Variants in OSBPL10 observed in about 807,000 individuals in gnomAD.
The protein encoded by OSBPL10 is oxysterol binding protein like 10, also known as oxysterol-binding protein-related protein 10.
A neutral mutation model predicts 81.7 loss-of-function variants in OSBPL10; 49 were observed. The ratio of observed to expected loss-of-function variants is 0.60; its 90% CI spans 0.48 to 0.76. OSBPL10 has a LOEUF of 0.76. Ranked by LOEUF, OSBPL10 falls within the 30% of genes least tolerant of loss-of-function variation. The pLI is 0.00. For missense variants in OSBPL10, 923 were observed against 987.8 expected (o/e 0.93, Z 0.88); for synonymous variants, 419 against 383.6 (o/e 1.09, Z -1.08).
intron 8 of OSBPL10, among the ~76,000 whole-genome samples, chr3:31,674,583 TTAGATAGATAGATAGATAGATAGA>T (rs55696700): frequency 0.019 from 2,782 of 147,954 alleles, 86 homozygotes; most frequent in African/African-American, 0.064. Flanking sequence ...GATAGATAGA[TTAGATAGATAGATAGATAGATAGA>T]TAGATAGATA....
intron 2 of OSBPL10, among the ~76,000 whole-genome samples, chr3:31,992,987 A>C (rs1379980731): frequency 1.3e-5 from 2 of 152,114 alleles, no homozygotes; most frequent in African/African-American, 2.4e-5. Flanking sequence ...CAGGCAATAG[A>C]GCAAGACCCT....
intron 1 of OSBPL10, among the ~76,000 whole-genome samples, chr3:31,899,305 A>G (rs570091442): frequency 6.6e-6 from 1 of 152,314 alleles, no homozygotes; most frequent in South Asian, 2.1e-4. Flanking sequence ...TAGAAAATAT[A>G]GTGCATAAAT....
intron 7 of OSBPL10, among the ~76,000 whole-genome samples, chr3:31,693,184 T>C (rs1203181934): frequency 6.6e-6 from 1 of 152,138 alleles, no homozygotes; most frequent in African/African-American, 2.4e-5. Flanking sequence ...CTGAGGTCCA[T>C]ATCTCTGCCT....
chr3:31,685,450 G>A (rs989002806), intron 7 of OSBPL10, among the ~76,000 whole-genome samples: 16 of 152,132 alleles, frequency 1.1e-4, no homozygotes, highest in East Asian at 1.9e-4. Flanking sequence ...CAATCCACCC[G>A]TCTTGGCCTC....
chr3:31,984,267 C>G (rs535054431), upstream of OSBPL10, among the ~76,000 whole-genome samples: 2 of 151,754 alleles, frequency 1.3e-5, no homozygotes, highest in Admixed American at 6.6e-5. Flanking sequence ...GTCTCGATCT[C>G]GTGACCTCGT....
At chr3:31,665,103 A>T (rs192371354) in intron 10 of OSBPL10, among the ~76,000 whole-genome samples, 13 of 152,302 alleles carry the variant, frequency 8.5e-5, no homozygotes, top group African/African-American at 3.1e-4. Flanking sequence ...AGAGAAAAGG[A>T]AAGAAGCTAG....
chr3:31,761,655 A>C (rs1358837711), intron 4 of OSBPL10, among the ~76,000 whole-genome samples: 1 of 151,366 alleles, frequency 6.6e-6, no homozygotes, highest in Non-Finnish European at 1.5e-5. Context: ...CATCTCTACT[A>C]AAAATACAAA....
Position 31,802,421 on chromosome 3 carries a change from C to T in OSBPL10, c.729+27619G>A, listed in dbSNP as rs532541250. Among the ~76,000 whole-genome samples the T allele has an allele frequency of 1.1e-3, 169 of 151,462 alleles. 1 individual carries two copies. The highest frequency in any genetic ancestry group is 3.4e-3 in the Middle Eastern group (1 of 294). Reference sequence around the variant, plus strand: ...AAAAAAAAAAAATTACAAAAATTAGCCAGGCATGGTGGCGGGCACCTGTAA... The same window carrying T: ...AAAAAAAAAAAATTACAAAAATTAGTCAGGCATGGTGGCGGGCACCTGTAA... On this transcript the variant is annotated intron_variant, in intron 4 of 11. Transcript: ENST00000396556.
In OSBPL10 at chr3:31,904,226, G is replaced by A. The variant is rs527251645; in HGVS notation, c.282-24396C>T. Among the ~76,000 whole-genome samples the A allele has an allele frequency of 4.6e-5, 7 of 152,008 alleles. No homozygotes were observed. In the South Asian group the frequency reaches 6.3e-4, roughly 14 times the overall value. Reference sequence around the variant, plus strand: ...TTTATTGCTTGATTACCTTTCCCACGCATGAGATCCCACGCCTCCCAGACT... The same window carrying A: ...TTTATTGCTTGATTACCTTTCCCACACATGAGATCCCACGCCTCCCAGACT... On this transcript the variant is annotated intron_variant, in intron 1 of 11. Coordinates refer to ENST00000396556, the MANE Select transcript of OSBPL10 (RefSeq NM_017784.5).
intron 1 of OSBPL10, among the ~76,000 whole-genome samples, chr3:31,952,475 T>A (rs1205148635): frequency 1.3e-5 from 2 of 152,200 alleles, no homozygotes; most frequent in Non-Finnish European, 2.9e-5. Context: ...GTTCAACCAC[T>A]GCTGTGCATC....
intron 7 of OSBPL10, chr3:31,700,200 G>C (rs780797764): frequency 6.6e-6 from 1 of 152,202 alleles, no homozygotes; most frequent in Non-Finnish European, 1.5e-5. Context: ...ACTCAACTGA[G>C]TATTGGGAGA....
chr3:32,019,961 G>A (rs914554260), intron 2 of OSBPL10, among the ~76,000 whole-genome samples: 8 of 152,104 alleles, frequency 5.3e-5, no homozygotes, highest in South Asian at 4.1e-4. Flanking sequence ...GATCAAACAC[G>A]AACCCTGAAT....
At chr3:31,914,754 TA>T (rs1483283685) in intron 1 of OSBPL10, among the ~76,000 whole-genome samples, 2 of 152,150 alleles carry the variant, frequency 1.3e-5, no homozygotes, top group Non-Finnish European at 1.5e-5. Context: ...AAAATGATTA[TA>T]AAATTAAATA....
chr3:31,666,076 G>A (rs1479942865), intron 10 of OSBPL10, among the ~76,000 whole-genome samples: 1 of 152,194 alleles, frequency 6.6e-6, no homozygotes, highest in Non-Finnish European at 1.5e-5. Context: ...GGTGGGGAGA[G>A]ATGGCAGCAA....
At chr3:31,734,307 G>A (rs890477444) in intron 5 of OSBPL10, among the ~76,000 whole-genome samples, 13 of 152,248 alleles carry the variant, frequency 8.5e-5, no homozygotes, top group African/African-American at 2.9e-4. Context: ...AACTCCCTTC[G>A]GGGGAGGGGA....
At chr3:31,725,894 T>C (rs1331021138) in intron 6 of OSBPL10, among the ~76,000 whole-genome samples, 1 of 152,222 alleles carries the variant, frequency 6.6e-6, no homozygotes, top group Non-Finnish European at 1.5e-5. Flanking sequence ...CGTACTTTCC[T>C]AAATACTCTG....
rs201681180 is a variant in OSBPL10, at chr3:31,989,703, A to G, written n.298+56788T>C. On this transcript the variant is annotated intron_variant and non_coding_transcript_variant, in intron 2 of 3. Coordinates refer to the OSBPL10 transcript ENST00000479173. The stretch of plus-strand genomic sequence containing the variant: ...AAATCCATATTTCTAATAACTATGA[A>G]AATAATTTCTTCCATTCATCATTAC... 37 of 1,613,838 alleles carry G rather than the reference A, an allele frequency of 2.3e-5. No homozygotes were observed. The African/African-American group carries it at 3.6e-4, about 16-fold the overall frequency.
chr3:31,895,384 G>A (rs1347283171), intron 1 of OSBPL10, among the ~76,000 whole-genome samples: 3 of 151,406 alleles, frequency 2.0e-5, no homozygotes, highest in East Asian at 1.9e-4. Context: ...TGATCTGCCC[G>A]CCTCAGCCTC....
At chr3:31,894,152 A>T (rs894510011) in intron 1 of OSBPL10, among the ~76,000 whole-genome samples, 8 of 152,158 alleles carry the variant, frequency 5.3e-5, no homozygotes, top group Non-Finnish European at 1.2e-4. Context: ...GAAATACCTT[A>T]CTCCAAGAAA....
Sources: allele counts gnomAD v4.1 joint callset (sites outside exome capture counted in the v4.1 genomes callset), GRCh38; gene constraint gnomAD v4.1.1; transcripts MANE v1.5; gene names NCBI Gene and HGNC (gene_info 2026-07-23, HGNC 2026-07-21).